Variants in STMN1 observed in about 807,000 individuals in gnomAD.
STMN1 encodes stathmin 1.
In STMN1, 3 loss-of-function variants were observed where a neutral mutation model predicts 19.7. That is an observed-to-expected ratio of 0.15 (90% CI 0.07 to 0.39). The LOEUF (loss-of-function observed/expected upper bound fraction) is 0.39. Ranked by LOEUF, STMN1 falls within the 10% of genes least tolerant of loss-of-function variation. The probability of loss-of-function intolerance (pLI) is 1.00; values close to 1 mark genes in which losing one functional copy is unlikely to be tolerated. For synonymous variants in STMN1, 59 were observed against 58.9 expected (o/e 1.00, Z -0.01); for missense variants, 99 against 176.0 (o/e 0.56, Z 2.48).
In STMN1 at chr1:25,889,093, C is replaced by G. The variant is rs2048749941; in HGVS notation, c.379-3224G>C. The G allele has an allele frequency of 7.2e-5, 35 of 484,204 alleles. 1 individual carries two copies. Among genetic ancestry groups the G allele is most frequent in the South Asian group, 5.6e-4 (35 of 62,524 alleles). The allele number at this position is 484,204 out of a possible 1,614,324, so 30.0% of individuals were successfully genotyped here. ...TCCAAAAGGAGACATCGGAGGAGAA[C>G]CAAGCTGGGTCTATAAGGAATTCCA... On this transcript the variant is annotated intron_variant, in intron 4 of 4. Coordinates refer to the STMN1 transcript ENST00000426559.
At chr1:25,903,496 T>C in intron 3 of STMN1, 145 bp downstream of exon 3, 1 of 1,095,344 alleles carries the variant, frequency 9.1e-7, no homozygotes, top group Non-Finnish European at 1.3e-6. Flanking sequence ...GTTCAATAAA[T>C]GAGGACTGGT....
At chr1:25,892,083 AAAAATT>A (rs1447962546) in intron 4 of STMN1, among the ~76,000 whole-genome samples, 3 of 152,256 alleles carry the variant, frequency 2.0e-5, no homozygotes, top group African/African-American at 7.2e-5. Context: ...AGAAAAATTT[AAAAATT>A]AAAATTAAAA....
chr1:25,888,408 T>C (rs1436774402), intron 4 of STMN1, among the ~76,000 whole-genome samples: 1 of 152,136 alleles, frequency 6.6e-6, no homozygotes, highest in Non-Finnish European at 1.5e-5. Flanking sequence ...AGGGTGAGAA[T>C]CCTTGCTTTA....
At chr1:25,905,582 C>G (rs1225613495) in intron 1 of STMN1, 1 of 152,220 alleles carries the variant, frequency 6.6e-6, no homozygotes, top group Non-Finnish European at 1.5e-5. Context: ...TTCCTCCCCG[C>G]GCCTTTTCGA....
Position 25,904,655 on chromosome 1 carries a change from A to C in STMN1, c.13+9T>G. The C allele has an allele frequency of 6.2e-7, 1 of 1,613,212 alleles. No homozygotes were observed. Among genetic ancestry groups the C allele is most frequent in the Non-Finnish European group, 8.5e-7 (1 of 1,179,316 alleles). ...TTACAATTTCAGATTTTCCAAATAG[A>C]TTACCTACCAGAAGAAGCCATGGTG... On this transcript the variant is annotated intron_variant, in intron 2 of 4. Coordinates refer to ENST00000455785, the MANE Select transcript of STMN1 (RefSeq NM_005563.4).
intron 4 of STMN1, among the ~76,000 whole-genome samples, chr1:25,891,843 G>A (rs1350008573): frequency 7.2e-5 from 11 of 152,236 alleles, no homozygotes; most frequent in Admixed American, 6.5e-4. Flanking sequence ...TGGCAGGCTG[G>A]GGAGACCCAT....
chr1:25,904,752 T>C lies in STMN1; in HGVS notation c.-62-14A>G. 6.3e-7 allele frequency: 1 copy of C among 1,591,458 alleles called. No homozygotes were observed. The highest frequency in any genetic ancestry group is 1.2e-5 in the South Asian group (1 of 86,574). On this transcript the variant is annotated splice_polypyrimidine_tract_variant and intron_variant, in intron 1 of 4. Coordinates refer to ENST00000455785, the MANE Select transcript of STMN1 (RefSeq NM_005563.4). Reference sequence around the variant, plus strand: ...ATAAGGAAAGTCCTGAAAATGATTTTCAAAAACATGCAATCACTTTCTTTG... The same window carrying C: ...ATAAGGAAAGTCCTGAAAATGATTTCCAAAAACATGCAATCACTTTCTTTG...
intron 4 of STMN1, chr1:25,888,921 C>G (rs1190253433): frequency 2.6e-6 from 1 of 379,064 alleles, no homozygotes; most frequent in East Asian, 8.3e-5. Flanking sequence ...AATGGCCCCT[C>G]TCTCCCTTTC....
At chr1:25,892,702 T>A in intron 4 of STMN1, 1 of 611,342 alleles carries the variant, frequency 1.6e-6, no homozygotes, top group Non-Finnish European at 2.0e-6. Flanking sequence ...CTAGCCTTCC[T>A]GGCCCGGGCA....
rs748873309 is a variant in STMN1 at position 25,901,511 on chromosome 1, G to C, written c.358C>G (p.Leu120Val). The change falls in exon 4 of 5, where the codon CTG (leucine) becomes GTG (valine). Residue 120 changes from leucine to valine, a missense_variant. This residue lies in a region of STMN1 where 54 missense variants were observed against 79.4 expected (regional missense o/e 0.68). Transcript: ENST00000455785. ...CCAACCTTCTCTCGCAAACGTTCCA[G>C]TTTGGCAGCCATTTGTGCCTCTCGG... Reference protein sequence around the residue: ...ENREAQMAAKLERLREKDKHI... With the variant: ...ENREAQMAAKVERLREKDKHI... 2 of 1,608,596 alleles carry C rather than the reference G, an allele frequency of 1.2e-6. No individual in the cohort carries two copies. The highest frequency in any genetic ancestry group is 1.7e-6 in the Non-Finnish European group (2 of 1,178,314).
chr1:25,892,174 G>C (rs2048781413), intron 4 of STMN1, among the ~76,000 whole-genome samples: 1 of 152,238 alleles, frequency 6.6e-6, no homozygotes, highest in Non-Finnish European at 1.5e-5. Flanking sequence ...CGAATCACCT[G>C]AGGTCGAGTT....
chr1:25,905,137 T>C (rs868092334), intron 1 of STMN1: 14 of 155,912 alleles, frequency 9.0e-5, no homozygotes, highest in Middle Eastern at 6.6e-3. Context: ...GCAAATGAAA[T>C]ACCCACCCCT....
chr1:25,884,383 A>G (rs965160950), downstream of STMN1: 1 of 152,016 alleles, frequency 6.6e-6, no homozygotes, highest in African/African-American at 2.4e-5. Context: ...CTTTTAGAAC[A>G]GTCATTTCAC....
intron 4 of STMN1, chr1:25,887,465 A>C (rs1415428479): frequency 2.6e-6 from 1 of 378,258 alleles, no homozygotes; most frequent in African/African-American, 2.2e-5. Flanking sequence ...CTGGCATCTT[A>C]GATGGCTACA....
Position 25,904,654 on chromosome 1 carries a change from G to C in STMN1, c.13+10C>G. On this transcript the variant is annotated intron_variant, in intron 2 of 4. Coordinates refer to ENST00000455785, the MANE Select transcript of STMN1 (RefSeq NM_005563.4). ...ATTACAATTTCAGATTTTCCAAATA[G>C]ATTACCTACCAGAAGAAGCCATGGT... 1 of 1,612,930 alleles carries C rather than the reference G, an allele frequency of 6.2e-7. No individual in the cohort carries two copies. The highest frequency in any genetic ancestry group is 8.5e-7 in the Non-Finnish European group (1 of 1,179,152).
chr1:25,888,308 C>G (rs768808780), intron 4 of STMN1, among the ~76,000 whole-genome samples: 2 of 152,168 alleles, frequency 1.3e-5, no homozygotes, highest in Non-Finnish European at 2.9e-5. Context: ...CTGTTCACAC[C>G]TCATACCCCA....
Position 25,904,704 on chromosome 1 carries a change from T to C in STMN1, c.-28A>G. 1 of 1,612,984 alleles carries C rather than the reference T, an allele frequency of 6.2e-7. No individual in the cohort carries two copies. The stretch of plus-strand genomic sequence containing the variant: ...TGAATAGAAGACAAGCGACAGGCAG[T>C]GTATTCTGCACAATCAACTGGGATA... On this transcript the variant is annotated 5_prime_UTR_variant, in exon 2 of 5. Coordinates refer to ENST00000455785, the MANE Select transcript of STMN1 (RefSeq NM_005563.4).
At chr1:25,905,564 C>T (rs987883803) in intron 1 of STMN1, 1 of 152,268 alleles carries the variant, frequency 6.6e-6, no homozygotes, top group Non-Finnish European at 1.5e-5. Flanking sequence ...GCCCCTGGCC[C>T]CGCCCCCTTC....
At chr1:25,889,176 A>G (rs1009153625) in intron 4 of STMN1, 8 of 313,878 alleles carry the variant, frequency 2.5e-5, no homozygotes, top group Non-Finnish European at 5.0e-5. Flanking sequence ...TACCATATCA[A>G]GCTGAAAATG....
Sources: allele counts gnomAD v4.1 joint callset (sites outside exome capture counted in the v4.1 genomes callset), GRCh38; gene constraint gnomAD v4.1.1; regional missense constraint gnomAD v4.1.1; transcripts MANE v1.5; gene names NCBI Gene and HGNC (gene_info 2026-07-23, HGNC 2026-07-21).